Variants in NTRK2 observed in about 807,000 individuals in gnomAD.
The protein encoded by NTRK2 is BDNF/NT-3 growth factors receptor.
A neutral mutation model predicts 94.5 loss-of-function variants in NTRK2; 13 were observed. The observed-to-expected ratio is 0.14, with a 90% CI of 0.09 to 0.22. The LOEUF is 0.22. Among genes scored for constraint, NTRK2 ranks in the 10% least tolerant of loss-of-function variants. The probability of loss-of-function intolerance (pLI) is 1.00; values close to 1 mark genes in which losing one functional copy is unlikely to be tolerated. For synonymous variants in NTRK2, 372 were observed against 407.4 expected (o/e 0.91, Z 1.05); for missense variants, 639 against 1,071.2 (o/e 0.60, Z 5.63).
chr9:84,783,261 G>A (rs1467274726), intron 12 of NTRK2, among the ~76,000 whole-genome samples: 2 of 152,166 alleles, frequency 1.3e-5, no homozygotes, highest in Non-Finnish European at 2.9e-5. Context: ...TTATCACAAT[G>A]TATTTTTGTA....
chr9:84,906,492 G>A (rs2077080050), intron 14 of NTRK2, among the ~76,000 whole-genome samples: 1 of 152,212 alleles, frequency 6.6e-6, no homozygotes, highest in Admixed American at 6.5e-5. Flanking sequence ...TGGGAGGTCT[G>A]GTGGCGAAGG....
At chr9:84,811,374 A>G (rs202002320) in intron 12 of NTRK2, 67 of 1,065,910 alleles carry the variant, frequency 6.3e-5, no homozygotes, top group Non-Finnish European at 7.2e-5. Context: ...TGTTGGGGCT[A>G]TAGATTTAAG....
In NTRK2 at chr9:84,871,211, G is replaced by A. The variant is rs555537433; in HGVS notation, c.1633+3780G>A. Among the ~76,000 whole-genome samples, 20 of 152,226 alleles carry A rather than the reference G, an allele frequency of 1.3e-4. No individual in the cohort carries two copies. In the South Asian group the frequency reaches 3.7e-3, roughly 28 times the overall value. ...GTCCAAAACCCCAATTACCAACAAC[G>A]ATCAGGCACGTCAATGCAAGAAACA... On this transcript the variant is annotated intron_variant, in intron 14 of 18. Transcript: ENST00000277120.
chr9:84,899,277 C>T (rs990124573), intron 14 of NTRK2, among the ~76,000 whole-genome samples: 1 of 152,162 alleles, frequency 6.6e-6, no homozygotes, highest in African/African-American at 2.4e-5. Context: ...ACAAAATTAT[C>T]TTATCTAATT....
At chr9:84,944,406 G>A (rs1232995495) in intron 15 of NTRK2, among the ~76,000 whole-genome samples, 2 of 152,072 alleles carry the variant, frequency 1.3e-5, no homozygotes, top group Non-Finnish European at 2.9e-5. Flanking sequence ...GGGATTACAG[G>A]TGTGAGCCAC....
chr9:84,819,338 G>A (rs971140427), intron 12 of NTRK2, among the ~76,000 whole-genome samples: 4 of 152,178 alleles, frequency 2.6e-5, no homozygotes, highest in Non-Finnish European at 4.4e-5. Flanking sequence ...CCCTTGAGTC[G>A]GGGTAGGAAG....
At chr9:84,874,150 G>A (rs201077503) in intron 14 of NTRK2, 31 of 1,064,620 alleles carry the variant, frequency 2.9e-5, no homozygotes, top group African/African-American at 1.1e-4. Flanking sequence ...TTTTGGTTTC[G>A]GATTGGCCAC....
At chr9:84,955,819 C>A (rs1824045804) in intron 17 of NTRK2, among the ~76,000 whole-genome samples, 1 of 152,202 alleles carries the variant, frequency 6.6e-6, no homozygotes, top group South Asian at 2.1e-4. Context: ...GGACACCAGT[C>A]AGATTGGATT....
At chr9:84,706,823 C>A (rs995478911) in intron 4 of NTRK2, among the ~76,000 whole-genome samples, 1 of 152,158 alleles carries the variant, frequency 6.6e-6, no homozygotes, top group African/African-American at 2.4e-5. Flanking sequence ...AGCCACCGCA[C>A]CTGGCCAGAT....
chr9:84,790,407 G>T (rs2068613171), intron 12 of NTRK2, among the ~76,000 whole-genome samples: 1 of 152,166 alleles, frequency 6.6e-6, no homozygotes, highest in Admixed American at 6.5e-5. Context: ...TTTGACAAGA[G>T]AAATTTTGCT....
At chr9:84,793,381 C>T (rs376352575) in intron 12 of NTRK2, among the ~76,000 whole-genome samples, 6 of 152,134 alleles carry the variant, frequency 3.9e-5, no homozygotes, top group South Asian at 2.1e-4. Flanking sequence ...TGATTGCTGT[C>T]GGCATAACCT....
intron 14 of NTRK2, among the ~76,000 whole-genome samples, chr9:84,896,658 A>C (rs2076766783): frequency 1.3e-5 from 2 of 152,206 alleles, no homozygotes; most frequent in South Asian, 4.1e-4. Context: ...TTTTAACAAA[A>C]TGCTTTTTTC....
chr9:84,705,149 G>A (rs949350002), intron 4 of NTRK2, among the ~76,000 whole-genome samples: 3 of 151,632 alleles, frequency 2.0e-5, no homozygotes, highest in Non-Finnish European at 4.4e-5. Context: ...ATTTCACTTC[G>A]GGTTTTAGGG....
chr9:84,895,330 A>G (rs1275321614), intron 14 of NTRK2, among the ~76,000 whole-genome samples: 1 of 152,214 alleles, frequency 6.6e-6, no homozygotes, highest in East Asian at 1.9e-4. Context: ...TAGCTGGTTC[A>G]CAGAAGCAGC....
chr9:84,953,724 A>T (rs550777278), intron 16 of NTRK2, among the ~76,000 whole-genome samples: 1 of 152,338 alleles, frequency 6.6e-6, no homozygotes, highest in Admixed American at 6.5e-5. Context: ...TAGAGACAGG[A>T]AGAACCTAAG....
intron 12 of NTRK2, chr9:84,813,137 CG>C: frequency 3.8e-6 from 4 of 1,042,094 alleles, no homozygotes; most frequent in Non-Finnish European, 3.5e-6. Flanking sequence ...TTGCTGAAAT[CG>C]GGCCTGTCAC....
At chr9:84,848,708 T>C (rs1294022318) in intron 12 of NTRK2, among the ~76,000 whole-genome samples, 1 of 152,226 alleles carries the variant, frequency 6.6e-6, no homozygotes, top group Non-Finnish European at 1.5e-5. Context: ...ATCACTCATG[T>C]ATTCCAACAT....
At chr9:84,831,631 C>T (rs566604324) in intron 12 of NTRK2, among the ~76,000 whole-genome samples, 1 of 152,248 alleles carries the variant, frequency 6.6e-6, no homozygotes, top group South Asian at 2.1e-4. Flanking sequence ...GAAAGTGAGG[C>T]CCAAGGAGGC....
intron 12 of NTRK2, among the ~76,000 whole-genome samples, chr9:84,778,242 G>A (rs2067243443): frequency 6.6e-6 from 1 of 152,166 alleles, no homozygotes. Flanking sequence ...CATCCTGGGT[G>A]ACAGATTAAG....
Sources: allele counts gnomAD v4.1 joint callset (sites outside exome capture counted in the v4.1 genomes callset), GRCh38; gene constraint gnomAD v4.1.1; transcripts MANE v1.5; gene names NCBI Gene and HGNC (gene_info 2026-07-23, HGNC 2026-07-21).